DNAL1: variants seen among roughly 807,000 people sequenced by gnomAD.
DNAL1 encodes chromosome 14 open reading frame 168.
In DNAL1, 17 loss-of-function variants were observed where a neutral mutation model predicts 29.4. The observed-to-expected ratio is 0.58, with a 90% confidence interval of 0.40 to 0.87. The LOEUF is 0.87. Among genes scored for constraint, DNAL1 ranks in the 40% least tolerant of loss-of-function variants. The probability of loss-of-function intolerance (pLI) is 0.00; values close to 1 mark genes in which losing one functional copy is unlikely to be tolerated. For missense variants in DNAL1, 188 were observed against 214.1 expected, an observed-to-expected ratio of 0.88 and a Z score of 0.76; for synonymous variants, 78 against 76.3, an observed-to-expected ratio of 1.02 and a Z score of -0.12.
chr14:73,649,379 T>G (rs1891061421), intron 1 of DNAL1, among the ~76,000 whole-genome samples: 1 of 149,280 alleles, frequency 6.7e-6, no homozygotes, highest in Middle Eastern at 3.5e-3. Context: ...GCCTCCCGGG[T>G]TCACGCCATT....
At chr14:73,654,918 CT>C in intron 2 of DNAL1, 33 bp downstream of exon 2, 1 of 1,534,312 alleles carries the variant, frequency 6.5e-7, no homozygotes, top group East Asian at 2.5e-5. Context: ...CTTTTAGAAA[CT>C]GTACAAGGAA....
At chr14:73,657,624 C>T (rs1437462968) in intron 2 of DNAL1, among the ~76,000 whole-genome samples, 4 of 152,182 alleles carry the variant, frequency 2.6e-5, no homozygotes, top group South Asian at 2.1e-4. Flanking sequence ...GATGGAGTCT[C>T]GCTCTGTTGC....
In DNAL1 at chr14:73,703,089, G is replaced by C. The variant is rs1230544514; in HGVS notation, c.*7147G>C. 6.6e-6 allele frequency: 1 copy of C among 152,042 alleles called. No homozygotes were observed. Among genetic ancestry groups the C allele is most frequent in the East Asian group, 1.9e-4 (1 of 5,192 alleles). 9.4% of individuals were successfully genotyped at this position (152,042 alleles called of 1,614,324 possible). A position where few individuals can be genotyped will look rare whatever the true frequency, so the allele number is the denominator to read the frequency against. ...TATGATCATGTCACTGCAAGACCCT[G>C]TCCCTAAAAAAAGGAAAAACAAATA... On this transcript the variant is annotated 3_prime_UTR_variant, in exon 8 of 8. Coordinates refer to ENST00000553645, the MANE Select transcript of DNAL1 (RefSeq NM_031427.4).
At chr14:73,689,278 C>T (rs1397959838) in intron 6 of DNAL1, 97 bp from the exon 7 acceptor site, 25 of 1,420,380 alleles carry the variant, frequency 1.8e-5, no homozygotes, top group East Asian at 5.0e-5. Flanking sequence ...GTGATCCGCC[C>T]GCCTTGTCCC....
At position 73,682,193 on chromosome 14, in the gene DNAL1, T is replaced by G. The variant is rs1220185513; in HGVS notation, c.265-5066T>G. On this transcript the variant is annotated intron_variant, in intron 5 of 7. Transcript: ENST00000553645. ...TAACTTTTTTTTTTTTTTTTTGAGATGGAGTCTCGCTCTGTTGCCCAGGCT... is the reference window on the plus strand; with the variant it reads ...TAACTTTTTTTTTTTTTTTTTGAGAGGGAGTCTCGCTCTGTTGCCCAGGCT... Among the ~76,000 whole-genome samples, 25 of 136,362 alleles carry G rather than the reference T, an allele frequency of 1.8e-4. No individual in the cohort carries two copies. In the Admixed American group the frequency reaches 1.9e-3, roughly 10 times the overall value. 89.5% of individuals were successfully genotyped at this position (136,362 alleles called of 152,430 possible). A position where few individuals can be genotyped will look rare whatever the true frequency, so the allele number is the denominator to read the frequency against.
At chr14:73,648,886 G>T (rs768675186) in intron 1 of DNAL1, among the ~76,000 whole-genome samples, 26 of 149,978 alleles carry the variant, frequency 1.7e-4, no homozygotes, top group Non-Finnish European at 3.3e-4. Context: ...TCGGCCAGAA[G>T]AATAATAAAT....
intron 5 of DNAL1, among the ~76,000 whole-genome samples, chr14:73,685,533 C>T (rs947117181): frequency 8.7e-5 from 13 of 149,824 alleles, no homozygotes; most frequent in South Asian, 4.2e-4. Context: ...AATTTTGGCT[C>T]GTTCCAACCT....
intron 2 of DNAL1, among the ~76,000 whole-genome samples, chr14:73,657,043 C>T (rs1444778455): frequency 6.6e-6 from 1 of 151,840 alleles, no homozygotes; most frequent in African/African-American, 2.4e-5. Flanking sequence ...CTCAGCCTCC[C>T]AAAGTGCTAG....
intron 3 of DNAL1, among the ~76,000 whole-genome samples, chr14:73,660,987 G>A (rs28379661): frequency 0.059 from 8,996 of 152,066 alleles, 332 homozygotes; most frequent in African/African-American, 0.1. Context: ...CAGGAGTGGG[G>A]GATGACTAGA....
Position 73,701,779 on chromosome 14 carries a change from C to T in DNAL1, c.*5837C>T, listed in dbSNP as rs143807603. Reference sequence around the variant, plus strand: ...CTAGAACCAACTCCATTCTGAAGAACATTTTAACATCTATGAATACCTTGG... The same window carrying T: ...CTAGAACCAACTCCATTCTGAAGAATATTTTAACATCTATGAATACCTTGG... On this transcript the variant is annotated 3_prime_UTR_variant, in exon 8 of 8. Coordinates refer to ENST00000553645, the MANE Select transcript of DNAL1 (RefSeq NM_031427.4). 1 of 152,268 alleles carries T rather than the reference C, an allele frequency of 6.6e-6. No individual in the cohort carries two copies. The highest frequency in any genetic ancestry group is 1.5e-5 in the Non-Finnish European group (1 of 68,018). 9.4% of individuals were successfully genotyped at this position (152,268 alleles called of 1,614,324 possible). A position where few individuals can be genotyped will look rare whatever the true frequency, so the allele number is the denominator to read the frequency against.
intron 4 of DNAL1, among the ~76,000 whole-genome samples, chr14:73,669,835 C>T (rs1891576078): frequency 6.6e-6 from 1 of 152,168 alleles, no homozygotes; most frequent in South Asian, 2.1e-4. Flanking sequence ...CAGCCCATAA[C>T]ATGGGGTCTT....
intron 5 of DNAL1, among the ~76,000 whole-genome samples, chr14:73,679,332 T>G (rs1314778922): frequency 6.6e-6 from 1 of 152,204 alleles, no homozygotes; most frequent in East Asian, 1.9e-4. Flanking sequence ...TTTTTAAATC[T>G]TGTGTACATT....
intron 5 of DNAL1, among the ~76,000 whole-genome samples, chr14:73,680,947 T>TG (rs2140051915): frequency 6.6e-6 from 1 of 152,144 alleles, no homozygotes; most frequent in African/African-American, 2.4e-5. Flanking sequence ...AAAAATACAG[T>TG]GTAAAATATA....
rs1555402397 is a variant in DNAL1 at position 73,677,884 on chromosome 14, T to TGTGTG, written c.264+6287_264+6288insGTGTG. Reference sequence around the variant, plus strand: ...TATATTTATATATATATATATATATTTGTGTGTGTGTGTGTGTGTGTGTGT... The same window carrying TGTGTG: ...TATATTTATATATATATATATATATTGTGTGTGTGTGTGTGTGTGTGTGTGTGTGT... On this transcript the variant is annotated intron_variant, in intron 5 of 7. Coordinates refer to ENST00000553645, the MANE Select transcript of DNAL1 (RefSeq NM_031427.4). Among the ~76,000 whole-genome samples, 491 of 96,124 alleles carry TGTGTG rather than the reference T, an allele frequency of 5.1e-3. 2 individuals are homozygous for TGTGTG. The highest frequency in any genetic ancestry group is 0.018 in the African/African-American group (476 of 26,510). The allele number at this position is 96,124 out of a possible 152,430, so 63.1% of individuals were successfully genotyped here. A position where few individuals can be genotyped will look rare whatever the true frequency, so the allele number is the denominator to read the frequency against.
At chr14:73,667,142 A>C (rs1319465944) in intron 4 of DNAL1, among the ~76,000 whole-genome samples, 1 of 151,370 alleles carries the variant, frequency 6.6e-6, no homozygotes, top group Non-Finnish European at 1.5e-5. Flanking sequence ...ACTTCTTTTA[A>C]ATTGATTTTT....
intron 5 of DNAL1, 65 bp downstream of exon 5, chr14:73,671,662 A>C (rs1469811741): frequency 7.5e-7 from 1 of 1,331,322 alleles, no homozygotes; most frequent in Non-Finnish European, 9.8e-7. Flanking sequence ...AATTTCTTGG[A>C]TAAATTCCTT....
intron 7 of DNAL1, among the ~76,000 whole-genome samples, chr14:73,693,574 A>T (rs1441312340): frequency 6.6e-6 from 1 of 152,194 alleles, no homozygotes; most frequent in Non-Finnish European, 1.5e-5. Flanking sequence ...GACACAGGGT[A>T]CATACTATAT....
chr14:73,689,361 T>G lies in DNAL1; in HGVS notation c.392-14T>G. The G allele has an allele frequency of 6.4e-7, 1 of 1,551,538 alleles. No individual in the cohort carries two copies. Among genetic ancestry groups the G allele is most frequent in the Non-Finnish European group, 8.7e-7 (1 of 1,146,816 alleles). On this transcript the variant is annotated splice_polypyrimidine_tract_variant and intron_variant, in intron 6 of 7. Transcript: ENST00000553645. ...CTTAGTGTTTTAATATGGAAAATATTCTTTTACTTGTAGCTGAGTTTGTGA... is the reference window on the plus strand; with the variant it reads ...CTTAGTGTTTTAATATGGAAAATATGCTTTTACTTGTAGCTGAGTTTGTGA...
At chr14:73,648,417 T>TATATATATATA (rs71112789) in intron 1 of DNAL1, among the ~76,000 whole-genome samples, 8 of 132,806 alleles carry the variant, frequency 6.0e-5, no homozygotes, top group African/African-American at 1.8e-4. Context: ...TATATATATA[T>TATATATATATA]TTGTTGTTTG....
Sources: allele counts gnomAD v4.1 joint callset (sites outside exome capture counted in the v4.1 genomes callset), GRCh38; gene constraint gnomAD v4.1.1; transcripts MANE v1.5; gene names NCBI Gene and HGNC (gene_info 2026-07-23, HGNC 2026-07-21).